Variants in NRXN3 observed in about 807,000 individuals in gnomAD.
The protein encoded by NRXN3 is neurexin III.
Under a neutral mutation model 137.6 loss-of-function variants are expected in NRXN3, and 32 were observed. The ratio of observed to expected loss-of-function variants is 0.23; its 90% CI spans 0.18 to 0.31. The LOEUF is 0.31. Among genes scored for constraint, NRXN3 ranks in the 10% least tolerant of loss-of-function variants. The pLI is 1.00. For synonymous variants in NRXN3, 798 were observed against 784.5 expected (o/e 1.02, Z -0.29); for missense variants, 1,574 against 2,062.5 (o/e 0.76, Z 4.59).
intron 4 of NRXN3, among the ~76,000 whole-genome samples, chr14:78,614,366 A>C (rs75486111): frequency 0.038 from 5,757 of 152,288 alleles, 366 homozygotes; most frequent in African/African-American, 0.13. Flanking sequence ...GATCTTGTGA[A>C]GCCCCAATCT....
intron 15 of NRXN3, among the ~76,000 whole-genome samples, chr14:79,084,293 T>C (rs1426872725): frequency 1.3e-5 from 2 of 152,154 alleles, no homozygotes; most frequent in Non-Finnish European, 2.9e-5. Flanking sequence ...TATACATGTG[T>C]TAAAATTCAT....
At chr14:78,596,928 G>C (rs1254172935) in intron 4 of NRXN3, among the ~76,000 whole-genome samples, 1 of 152,228 alleles carries the variant, frequency 6.6e-6, no homozygotes, top group Non-Finnish European at 1.5e-5. Flanking sequence ...GATGGCTATA[G>C]GAGATCAAAT....
chr14:78,724,157 C>G (rs933542550), intron 8 of NRXN3, among the ~76,000 whole-genome samples: 1 of 152,174 alleles, frequency 6.6e-6, no homozygotes, highest in Admixed American at 6.5e-5. Flanking sequence ...ATATTTTGAA[C>G]TTCTCCCTAT....
chr14:79,558,610 C>A (rs536788635), intron 16 of NRXN3, among the ~76,000 whole-genome samples: 2 of 149,522 alleles, frequency 1.3e-5, no homozygotes, highest in Non-Finnish European at 1.5e-5. Context: ...CTTAAATAAA[C>A]CATGATGTAA....
chr14:79,780,885 A>G (rs552483161), intron 19 of NRXN3, among the ~76,000 whole-genome samples: 15 of 152,304 alleles, frequency 9.8e-5, no homozygotes, highest in Admixed American at 2.0e-4. Flanking sequence ...ATGAGGAAAT[A>G]TAGAAAACTG....
intron 16 of NRXN3, among the ~76,000 whole-genome samples, chr14:79,581,187 G>T (rs576841302): frequency 2.0e-5 from 3 of 152,070 alleles, no homozygotes; most frequent in Admixed American, 6.6e-5. Context: ...TCAAATCACC[G>T]AGCCTTTGCA....
At chr14:79,357,901 T>C (rs1033723069) in intron 15 of NRXN3, among the ~76,000 whole-genome samples, 1 of 152,182 alleles carries the variant, frequency 6.6e-6, no homozygotes, top group Non-Finnish European at 1.5e-5. Context: ...TCTTCCCCTT[T>C]CCTCTGTTCC....
intron 15 of NRXN3, among the ~76,000 whole-genome samples, chr14:79,297,443 G>A (rs1267437576): frequency 6.6e-6 from 1 of 152,010 alleles, no homozygotes; most frequent in African/African-American, 2.4e-5. Context: ...AGTTAACTGG[G>A]CATCCTATAT....
At chr14:79,597,602 C>G (rs928585884) in intron 16 of NRXN3, among the ~76,000 whole-genome samples, 1 of 152,094 alleles carries the variant, frequency 6.6e-6, no homozygotes, top group Non-Finnish European at 1.5e-5. Context: ...TGTTACCATA[C>G]GCAAACTTTA....
intron 15 of NRXN3, among the ~76,000 whole-genome samples, chr14:79,385,669 G>C (rs916796019): frequency 6.6e-6 from 1 of 152,116 alleles, no homozygotes; most frequent in Non-Finnish European, 1.5e-5. Flanking sequence ...ACAAGGTTTG[G>C]CTGTTTAAAA....
chr14:78,800,094 G>A (rs12881391), intron 8 of NRXN3, among the ~76,000 whole-genome samples: 145,402 of 152,256 alleles, frequency 0.95, 69,775 homozygotes, highest in East Asian at 1. Flanking sequence ...TTGTATATGC[G>A]TGCACATACA....
intron 2 of NRXN3, among the ~76,000 whole-genome samples, chr14:78,244,802 C>T (rs1488770989): frequency 1.3e-5 from 2 of 152,212 alleles, no homozygotes; most frequent in Non-Finnish European, 1.5e-5. Flanking sequence ...CAGTGTTGTT[C>T]AGCCAAGCCT....
At chr14:78,384,112 G>C (rs1427131174) in intron 4 of NRXN3, among the ~76,000 whole-genome samples, 5 of 152,214 alleles carry the variant, frequency 3.3e-5, no homozygotes, top group Non-Finnish European at 7.3e-5. Flanking sequence ...GAACCCAGAG[G>C]AGCAGGTGTT....
chr14:79,509,240 T>TA (rs1338018094), intron 16 of NRXN3, among the ~76,000 whole-genome samples: 1 of 152,102 alleles, frequency 6.6e-6, no homozygotes, highest in East Asian at 1.9e-4. Flanking sequence ...TCAAAATTAC[T>TA]AAAAGAGTGT....
intron 10 of NRXN3, among the ~76,000 whole-genome samples, chr14:78,890,080 G>A (rs2099154683): frequency 6.6e-6 from 1 of 151,958 alleles, no homozygotes; most frequent in South Asian, 2.1e-4. Context: ...GCCTTCAGAA[G>A]GAGTGTGACC....
At chr14:78,171,514 C>A (rs183560572) in intron 1 of NRXN3, among the ~76,000 whole-genome samples, 1 of 152,202 alleles carries the variant, frequency 6.6e-6, no homozygotes, top group East Asian at 1.9e-4. Flanking sequence ...GACCTTAAAG[C>A]CTGGTTCGAT....
chr14:78,768,806 A>G (rs1004610057), intron 8 of NRXN3, among the ~76,000 whole-genome samples: 1 of 152,160 alleles, frequency 6.6e-6, no homozygotes, highest in South Asian at 2.1e-4. Context: ...AATCCAGGAA[A>G]ATAGAAATTA....
chr14:78,516,599 C>T (rs1283778689), intron 4 of NRXN3, among the ~76,000 whole-genome samples: 1 of 151,844 alleles, frequency 6.6e-6, no homozygotes, highest in Non-Finnish European at 1.5e-5. Context: ...CCGAGGTCAA[C>T]ATCCATGCTT....
chr14:79,583,450 T>C (rs1397160715), intron 16 of NRXN3, among the ~76,000 whole-genome samples: 1 of 152,164 alleles, frequency 6.6e-6, no homozygotes, highest in East Asian at 1.9e-4. Flanking sequence ...TTTTTTTTTA[T>C]ATTTGTTGTG....
Sources: gnomAD v4.1 joint callset for allele counts (sites outside exome capture counted in the v4.1 genomes callset) on GRCh38, gnomAD v4.1.1 for gene constraint, MANE v1.5 for transcripts, NCBI Gene and HGNC (gene_info 2026-07-23, HGNC 2026-07-21) for gene names.